TNC: variants seen among roughly 807,000 people sequenced by gnomAD.
TNC encodes tenascin.
TNC carries 109 observed loss-of-function variants against 202.4 expected under a neutral mutation model. The observed-to-expected ratio is 0.54, with a 90% CI of 0.46 to 0.63. TNC has a LOEUF of 0.63. Ranked by LOEUF, TNC falls within the 30% of genes least tolerant of loss-of-function variation. The pLI, the probability that TNC is intolerant of heterozygous loss-of-function variation, is 0.00. For missense variants in TNC, 2,756 were observed against 2,833.3 expected (o/e 0.97, Z 0.62); for synonymous variants, 1,007 against 1,089.7 (o/e 0.92, Z 1.50).
chr9:115,084,160 G>C, intron 4 of TNC, 49 bp downstream of exon 4: 3 of 1,589,734 alleles, frequency 1.9e-6, no homozygotes, highest in Non-Finnish European at 2.6e-6. Context: ...TTATACACTG[G>C]GTGGGCTGAC....
At chr9:115,101,513 G>A (rs772140694) in intron 1 of TNC, among the ~76,000 whole-genome samples, 4 of 152,114 alleles carry the variant, frequency 2.6e-5, no homozygotes, top group Admixed American at 1.3e-4. Context: ...GCACCTGGCC[G>A]CAATTGATTT....
chr9:115,113,530 C>T (rs911596745), intron 1 of TNC, among the ~76,000 whole-genome samples: 14 of 152,170 alleles, frequency 9.2e-5, no homozygotes, highest in African/African-American at 3.4e-4. Flanking sequence ...AAGTTAGCAG[C>T]AGCCAGCTTT....
At chr9:115,029,244 C>T in intron 25 of TNC, 116 bp downstream of exon 25, 2 of 817,750 alleles carry the variant, frequency 2.4e-6, no homozygotes, top group Non-Finnish European at 2.0e-6. Context: ...TGTCTGCCAC[C>T]AGAAGTAGTT....
intron 17 of TNC, among the ~76,000 whole-genome samples, chr9:115,043,983 T>G (rs950572438): frequency 1.3e-5 from 2 of 152,160 alleles, no homozygotes; most frequent in Middle Eastern, 3.2e-3. Flanking sequence ...GACCTTTGAG[T>G]TAAATTCTAT....
At chr9:115,070,772 ACT>A (rs1833406771) in intron 10 of TNC, among the ~76,000 whole-genome samples, 1 of 152,076 alleles carries the variant, frequency 6.6e-6, no homozygotes, top group African/African-American at 2.4e-5. Flanking sequence ...TGAACCTAAA[ACT>A]CTGCAACATT....
At chr9:115,039,395 T>C (rs1034237609) in intron 19 of TNC, among the ~76,000 whole-genome samples, 5 of 152,248 alleles carry the variant, frequency 3.3e-5, no homozygotes, top group Admixed American at 2.6e-4. Context: ...CAGTTGTTAT[T>C]AAGATCTCTA....
At chr9:115,023,666 C>T (rs930553711) in intron 27 of TNC, among the ~76,000 whole-genome samples, 1 of 152,178 alleles carries the variant, frequency 6.6e-6, no homozygotes, top group Non-Finnish European at 1.5e-5. Flanking sequence ...CCTAAATGGC[C>T]TCCACTTTTA....
At chr9:115,094,917 G>A (rs1234929934) in intron 1 of TNC, among the ~76,000 whole-genome samples, 4 of 151,084 alleles carry the variant, frequency 2.6e-5, no homozygotes, top group Admixed American at 1.3e-4. Flanking sequence ...TTGGTTATGA[G>A]AAGACAAATT....
intron 4 of TNC, among the ~76,000 whole-genome samples, chr9:115,083,638 A>C (rs1757109): frequency 0.47 from 69,977 of 147,938 alleles, 17,011 homozygotes; most frequent in African/African-American, 0.57. Flanking sequence ...CAGAGTCTCA[A>C]TCTGTCACCC....
At chr9:115,052,615 T>G in intron 15 of TNC, 1 of 596,352 alleles carries the variant, frequency 1.7e-6, no homozygotes, top group Admixed American at 2.9e-5. Flanking sequence ...CAATTACTAT[T>G]TGTCAATTAA....
At chr9:115,109,647 C>T (rs2134276994) in intron 1 of TNC, among the ~76,000 whole-genome samples, 1 of 152,336 alleles carries the variant, frequency 6.6e-6, no homozygotes, top group Admixed American at 6.5e-5. Flanking sequence ...AGACAGGACT[C>T]CTCTGTCCTT....
chr9:115,106,911 C>T (rs1181749621), intron 1 of TNC, among the ~76,000 whole-genome samples: 2 of 152,068 alleles, frequency 1.3e-5, no homozygotes, highest in Non-Finnish European at 2.9e-5. Flanking sequence ...TTTAATTCAG[C>T]ATATGGCAGG....
At chr9:115,095,926 G>A (rs952822371) in intron 1 of TNC, among the ~76,000 whole-genome samples, 1 of 151,954 alleles carries the variant, frequency 6.6e-6, no homozygotes, top group African/African-American at 2.4e-5. Context: ...AAGAGACATA[G>A]TCTTTGCATT....
intron 15 of TNC, among the ~76,000 whole-genome samples, chr9:115,053,225 TTTTTA>T (rs1307314443): frequency 2.0e-5 from 3 of 152,220 alleles, no homozygotes; most frequent in African/African-American, 7.2e-5. Flanking sequence ...GTGTTCTTTA[TTTTTA>T]TTTTATTTTT....
intron 13 of TNC, among the ~76,000 whole-genome samples, chr9:115,062,640 T>TAC (rs980566429): frequency 1.3e-5 from 2 of 150,562 alleles, no homozygotes; most frequent in African/African-American, 2.4e-5. Flanking sequence ...TATCTATATA[T>TAC]ACACACACAC....
At chr9:115,058,292 C>T (rs1042543048) in intron 14 of TNC, among the ~76,000 whole-genome samples, 3 of 152,216 alleles carry the variant, frequency 2.0e-5, no homozygotes, top group Non-Finnish European at 2.9e-5. Context: ...AGAAAGAAGG[C>T]TCCTGGTCTC....
intron 15 of TNC, among the ~76,000 whole-genome samples, chr9:115,053,382 A>G (rs1244421357): frequency 6.6e-6 from 1 of 152,236 alleles, no homozygotes; most frequent in Non-Finnish European, 1.5e-5. Context: ...CTGGGGACAC[A>G]AGCCCTGTAA....
chr9:115,110,594 A>G (rs1201946728), intron 1 of TNC, among the ~76,000 whole-genome samples: 1 of 152,228 alleles, frequency 6.6e-6, no homozygotes, highest in Non-Finnish European at 1.5e-5. Flanking sequence ...TGGGGTTAGT[A>G]AAGAAAAAAG....
intron 1 of TNC, among the ~76,000 whole-genome samples, chr9:115,102,398 A>T (rs2480932): frequency 6.6e-6 from 1 of 152,006 alleles, no homozygotes; most frequent in Non-Finnish European, 1.5e-5. Context: ...TGACAGATAC[A>T]TTTGGGATGC....
Sources: gnomAD v4.1 joint callset for allele counts (sites outside exome capture counted in the v4.1 genomes callset) on GRCh38, gnomAD v4.1.1 for gene constraint, MANE v1.5 for transcripts, NCBI Gene and HGNC (gene_info 2026-07-23, HGNC 2026-07-21) for gene names.